The following NCAM2 variants were observed in gnomAD, a reference collection of about 807,000 sequenced individuals.
NCAM2 encodes neural cell adhesion molecule 2, also known as N-CAM-2.
In NCAM2, 30 loss-of-function variants were observed where a neutral mutation model predicts 98.1. The ratio of observed to expected loss-of-function variants is 0.31; its 90% CI spans 0.23 to 0.41. The LOEUF (loss-of-function observed/expected upper bound fraction) is 0.41, where lower values mean the gene tolerates loss of function less well. Ranked by LOEUF, NCAM2 falls within the 10% of genes least tolerant of loss-of-function variation. The pLI is 1.00. For synonymous variants in NCAM2, 368 were observed against 342.4 expected (o/e 1.07, Z -0.83); for missense variants, 867 against 1,005.8 (o/e 0.86, Z 1.87).
At chr21:21,237,517 A>G (rs2070880333) in intron 1 of NCAM2, among the ~76,000 whole-genome samples, 12 of 152,128 alleles carry the variant, frequency 7.9e-5, no homozygotes, top group Admixed American at 7.9e-4. Flanking sequence ...GTTTCTTTAA[A>G]TGATCTTTTA....
At chr21:21,374,211 A>G (rs2075981771) in intron 9 of NCAM2, among the ~76,000 whole-genome samples, 198 bp downstream of exon 9, 1 of 151,850 alleles carries the variant, frequency 6.6e-6, no homozygotes, top group African/African-American at 2.4e-5. Context: ...AGTGCTGTAT[A>G]TTTCATCATT....
rs951557759 is a variant in NCAM2 at position 21,205,176 on chromosome 21, C to T, written c.56-75402C>T. 7.7e-4 allele frequency among the ~76,000 whole-genome samples: 117 copies of T among 152,164 alleles called. 1 individual carries two copies. The highest frequency in any genetic ancestry group is 2.6e-3 in the African/African-American group (107 of 41,542). ...GGTGTGGATATTATATTTCACCTGC[C>T]GACAAAAATTAAATATATTTTAATA... is the stretch of plus-strand genomic sequence containing the variant. On this transcript the variant is annotated intron_variant, in intron 1 of 17. Transcript: ENST00000400546.
intron 15 of NCAM2, among the ~76,000 whole-genome samples, chr21:21,499,440 A>G (rs12482658): frequency 2.6e-5 from 4 of 152,222 alleles, no homozygotes; most frequent in Admixed American, 2.6e-4. Flanking sequence ...ACAGGGTTTC[A>G]CTGTGTTAGC....
intron 1 of NCAM2, among the ~76,000 whole-genome samples, chr21:21,018,423 G>A (rs1247090180): frequency 6.6e-6 from 1 of 152,198 alleles, no homozygotes; most frequent in Non-Finnish European, 1.5e-5. Context: ...GATGAAGGCT[G>A]CTAAGTTTCT....
chr21:21,527,827 T>A (rs573378776), intron 16 of NCAM2, among the ~76,000 whole-genome samples: 1 of 152,284 alleles, frequency 6.6e-6, no homozygotes, highest in African/African-American at 2.4e-5. Flanking sequence ...ACCTTAAAAT[T>A]TATTATTTGA....
intron 1 of NCAM2, among the ~76,000 whole-genome samples, chr21:21,072,265 A>G (rs2065588471): frequency 6.6e-6 from 1 of 152,134 alleles, no homozygotes; most frequent in African/African-American, 2.4e-5. Flanking sequence ...TGGAAATGGA[A>G]TTATCAGAAT....
intron 10 of NCAM2, among the ~76,000 whole-genome samples, chr21:21,411,127 CAT>C (rs1165131313): frequency 2.1e-3 from 9 of 4,368 alleles, no homozygotes; most frequent in Non-Finnish European, 3.4e-3. Context: ...TATATATACA[CAT>C]ATATATGTAT....
chr21:21,122,231 A>T (rs570269515), intron 1 of NCAM2, among the ~76,000 whole-genome samples: 29 of 152,322 alleles, frequency 1.9e-4, no homozygotes, highest in African/African-American at 6.7e-4. Context: ...TTAATATATG[A>T]TGCCATATTT....
chr21:21,524,565 AT>A (rs1186318192), intron 16 of NCAM2, among the ~76,000 whole-genome samples: 1 of 152,018 alleles, frequency 6.6e-6, no homozygotes. Flanking sequence ...GAATACAAAG[AT>A]AAAAAGAAAA....
chr21:21,254,866 T>C (rs1236416256), intron 1 of NCAM2, among the ~76,000 whole-genome samples: 1 of 152,010 alleles, frequency 6.6e-6, no homozygotes, highest in African/African-American at 2.4e-5. Flanking sequence ...ACATACGTTA[T>C]TTCTAACAAT....
chr21:21,085,203 T>G (rs926693171), intron 1 of NCAM2, among the ~76,000 whole-genome samples: 16 of 149,716 alleles, frequency 1.1e-4, no homozygotes, highest in Non-Finnish European at 1.9e-4. Context: ...TAGTTGGGGT[T>G]TTTTTTTTTA....
intron 1 of NCAM2, among the ~76,000 whole-genome samples, chr21:21,149,850 A>G (rs1248067462): frequency 1.3e-5 from 2 of 152,084 alleles, no homozygotes; most frequent in African/African-American, 2.4e-5. Flanking sequence ...AGTCTTTGCT[A>G]TTGTAAATAA....
At chr21:21,323,252 G>A (rs1337763561) in intron 5 of NCAM2, among the ~76,000 whole-genome samples, 1 of 152,090 alleles carries the variant, frequency 6.6e-6, no homozygotes, top group Non-Finnish European at 1.5e-5. Context: ...TCTATCTTTT[G>A]TAATACTAGT....
At chr21:21,074,579 G>T (rs2065640078) in intron 1 of NCAM2, among the ~76,000 whole-genome samples, 1 of 152,136 alleles carries the variant, frequency 6.6e-6, no homozygotes, top group Non-Finnish European at 1.5e-5. Context: ...CAATGTGCTG[G>T]ACTCTTCTAG....
chr21:21,386,286 CTTAGAAA>C (rs1349347989), intron 9 of NCAM2, among the ~76,000 whole-genome samples: 1 of 152,116 alleles, frequency 6.6e-6, no homozygotes, highest in Non-Finnish European at 1.5e-5. Flanking sequence ...TCAGTAAACA[CTTAGAAA>C]TTAGAAAAAT....
chr21:21,257,572 G>T (rs1027473041), intron 1 of NCAM2, among the ~76,000 whole-genome samples: 1 of 152,104 alleles, frequency 6.6e-6, no homozygotes, highest in African/African-American at 2.4e-5. Context: ...GAAAGACCAT[G>T]CAATGTTGAC....
chr21:21,250,520 GGTCA>G (rs1293356808), intron 1 of NCAM2, among the ~76,000 whole-genome samples: 1 of 152,014 alleles, frequency 6.6e-6, no homozygotes, highest in African/African-American at 2.4e-5. Context: ...GCAACACATG[GGTCA>G]GTAAGTCTAA....
chr21:21,131,125 T>C (rs2066923884), intron 1 of NCAM2, among the ~76,000 whole-genome samples: 1 of 152,192 alleles, frequency 6.6e-6, no homozygotes, highest in Non-Finnish European at 1.5e-5. Flanking sequence ...CAAGGTGTGT[T>C]AACACTTATG....
chr21:21,098,709 T>C (rs1460556496), intron 1 of NCAM2, among the ~76,000 whole-genome samples: 2 of 151,920 alleles, frequency 1.3e-5, no homozygotes, highest in African/African-American at 4.8e-5. Context: ...TGTGAAGGCC[T>C]GTTCTTCATA....
Sources: gnomAD v4.1 joint callset for allele counts (sites outside exome capture counted in the v4.1 genomes callset) on GRCh38, gnomAD v4.1.1 for gene constraint, MANE v1.5 for transcripts, NCBI Gene and HGNC (gene_info 2026-07-23, HGNC 2026-07-21) for gene names.